SLCO1B1: variants seen among roughly 807,000 people sequenced by gnomAD.
SLCO1B1 encodes OATP-2.
In SLCO1B1, 81 loss-of-function variants were observed where a neutral mutation model predicts 70.1. The observed-to-expected ratio is 1.16, with a 90% CI of 0.97 to 1.39. The LOEUF is 1.39. Among genes scored for constraint, SLCO1B1 ranks in the 40% most tolerant of loss-of-function variants. The pLI, the probability that SLCO1B1 is intolerant of heterozygous loss-of-function variation, is 0.00. For synonymous variants in SLCO1B1, 283 were observed against 271.5 expected (o/e 1.04, Z -0.42); for missense variants, 895 against 799.6 (o/e 1.12, Z -1.44).
intron 7 of SLCO1B1, among the ~76,000 whole-genome samples, chr12:21,184,650 A>G (rs1412206609): frequency 1.3e-5 from 2 of 152,158 alleles, no homozygotes; most frequent in African/African-American, 2.4e-5. Context: ...AATACTTGCC[A>G]CAACAAATAC....
At chr12:21,148,191 A>C (rs1361562108) in intron 2 of SLCO1B1, among the ~76,000 whole-genome samples, 2 of 152,080 alleles carry the variant, frequency 1.3e-5, no homozygotes, top group African/African-American at 4.8e-5. Context: ...TTCTTTTGCT[A>C]TGCAGGAGCT....
intron 1 of SLCO1B1, among the ~76,000 whole-genome samples, chr12:21,139,563 C>T (rs576027201): frequency 6.6e-6 from 1 of 152,070 alleles, no homozygotes; most frequent in Non-Finnish European, 1.5e-5. Context: ...CAGAATCCAT[C>T]AGCCCTTGTT....
At chr12:21,174,076 G>C (rs1394421161) in intron 3 of SLCO1B1, among the ~76,000 whole-genome samples, 2 of 151,916 alleles carry the variant, frequency 1.3e-5, no homozygotes, top group East Asian at 3.9e-4. Flanking sequence ...TCTTAATTAA[G>C]TTCCGCCTTT....
Position 21,222,397 on chromosome 12 carries a change from AATATAT to A in SLCO1B1, c.1747+59_1747+64del, listed in dbSNP as rs751514211. On this transcript the variant is annotated intron_variant, in intron 13 of 14. Transcript: ENST00000256958. ...GAAAAAAAAAAAAAAAAAAAAAAAA[AATATAT>A]ATATATATATATATATATATATATA... The A allele has an allele frequency of 9.0e-3, 875 of 97,544 alleles. 8 individuals are homozygous for A. The highest frequency in any genetic ancestry group is 0.037 in the South Asian group (198 of 5,284). 6.0% of individuals were successfully genotyped at this position (97,544 alleles called of 1,614,324 possible). A position where few individuals can be genotyped will look rare whatever the true frequency, so the allele number is the denominator to read the frequency against.
chr12:21,193,914 C>T (rs1941059858), intron 7 of SLCO1B1, among the ~76,000 whole-genome samples: 1 of 152,118 alleles, frequency 6.6e-6, no homozygotes, highest in African/African-American at 2.4e-5. Flanking sequence ...TTTCTGCCTC[C>T]CAAGTAGCTG....
intron 12 of SLCO1B1, among the ~76,000 whole-genome samples, chr12:21,219,088 T>C (rs967958783): frequency 2.0e-5 from 3 of 151,938 alleles, no homozygotes; most frequent in African/African-American, 7.3e-5. Flanking sequence ...TTAGTATGGG[T>C]GGGGAATGAA....
intron 7 of SLCO1B1, among the ~76,000 whole-genome samples, chr12:21,184,035 A>T (rs1435005096): frequency 6.6e-6 from 1 of 150,892 alleles, no homozygotes; most frequent in Non-Finnish European, 1.5e-5. Flanking sequence ...ACTCCATCAG[A>T]CAAAAAGAAA....
At chr12:21,145,473 ATTTTTTTT>A (rs35334634) in intron 2 of SLCO1B1, among the ~76,000 whole-genome samples, 3 of 76,102 alleles carry the variant, frequency 3.9e-5, no homozygotes, top group Admixed American at 4.4e-4. Flanking sequence ...CATTTTTTTC[ATTTTTTTT>A]TTTTTTTTTT....
intron 1 of SLCO1B1, among the ~76,000 whole-genome samples, chr12:21,132,161 T>A (rs867375620): frequency 6.6e-6 from 1 of 152,178 alleles, no homozygotes; most frequent in African/African-American, 2.4e-5. Flanking sequence ...ACAAAGGACA[T>A]AAACTCATCA....
intron 1 of SLCO1B1, among the ~76,000 whole-genome samples, chr12:21,139,918 G>A (rs1055931425): frequency 2.0e-5 from 3 of 151,428 alleles, no homozygotes; most frequent in African/African-American, 7.3e-5. Flanking sequence ...GTGCTCTCCG[G>A]TGCACAAGAG....
Position 21,197,218 on chromosome 12 carries a change from GA to G in SLCO1B1, c.970+31del, listed in dbSNP as rs773398649. 4 of 1,609,948 alleles carry G rather than the reference GA, an allele frequency of 2.5e-6. No homozygotes were observed. The African/African-American group carries it at 5.4e-5, about 22-fold the overall frequency. ...GTATTTAACATTCATTGTCAATTTG[GA>G]GTTGTTAATCTCAATGAAAAGGAAG... On this transcript the variant is annotated intron_variant, in intron 8 of 14. Coordinates refer to ENST00000256958, the MANE Select transcript of SLCO1B1 (RefSeq NM_006446.5).
chr12:21,235,641 T>C lies in SLCO1B1; in HGVS notation c.1866-3338T>C, dbSNP rs905440083. ...TTGTGTAGTTACTTAATAGGATCTG[T>C]AGGCTTTGTAATTATGGGTGCTTTT... On this transcript the variant is annotated intron_variant, in intron 14 of 14. Coordinates refer to ENST00000256958, the MANE Select transcript of SLCO1B1 (RefSeq NM_006446.5). Among the ~76,000 whole-genome samples, 3 of 152,060 alleles carry C rather than the reference T, an allele frequency of 2.0e-5. No individual in the cohort carries two copies. In the East Asian group the frequency reaches 5.8e-4, roughly 29 times the overall value.
At chr12:21,207,759 A>G (rs1221527803) in intron 11 of SLCO1B1, among the ~76,000 whole-genome samples, 2 of 152,010 alleles carry the variant, frequency 1.3e-5, no homozygotes, top group African/African-American at 2.4e-5. Context: ...CATTCCTACC[A>G]ACATAGGATA....
At chr12:21,227,350 G>C (rs1390554943) in intron 14 of SLCO1B1, among the ~76,000 whole-genome samples, 2 of 152,074 alleles carry the variant, frequency 1.3e-5, no homozygotes, top group African/African-American at 2.4e-5. Flanking sequence ...CATGAAGAAT[G>C]TGTATGGAGC....
intron 2 of SLCO1B1, among the ~76,000 whole-genome samples, chr12:21,153,107 A>G (rs1056638966): frequency 6.6e-6 from 1 of 151,914 alleles, no homozygotes; most frequent in Non-Finnish European, 1.5e-5. Flanking sequence ...TGTCTCTCCA[A>G]TCTTGAAGGC....
intron 2 of SLCO1B1, among the ~76,000 whole-genome samples, chr12:21,145,372 C>T (rs1460092235): frequency 6.6e-6 from 1 of 151,384 alleles, no homozygotes; most frequent in Non-Finnish European, 1.5e-5. Context: ...GTGGCATAAT[C>T]TTGGCTCACT....
rs908931153 is a variant in SLCO1B1 at position 21,217,213 on chromosome 12, C to G, written c.1592C>G (p.Thr531Arg). Reference protein sequence around the residue: ...LGECPRDDACTRKFYFFVAIQ... With the variant: ...LGECPRDDACRRKFYFFVAIQ... The stretch of plus-strand genomic sequence containing the variant: ...GAATGCCCAAGAGATGATGCTTGTA[C>G]AAGGAAATTTTACTTTTTTGTTGCA... Residue 531 changes from threonine (T) to arginine (R), a missense_variant, in exon 12 of 15, where the codon ACA (threonine) becomes AGA (arginine). Thr to Arg is a moderately conservative substitution (Grantham distance 71). Coordinates refer to ENST00000256958, the MANE Select transcript of SLCO1B1 (RefSeq NM_006446.5). 3.1e-6 allele frequency: 5 copies of G among 1,613,528 alleles called. No homozygotes were observed. Among genetic ancestry groups the G allele is most frequent in the African/African-American group, 2.7e-5 (2 of 74,896 alleles).
intron 11 of SLCO1B1, among the ~76,000 whole-genome samples, chr12:21,209,052 ATTAAT>A (rs1565439515): frequency 6.6e-6 from 1 of 150,758 alleles, no homozygotes; most frequent in Non-Finnish European, 1.5e-5. Context: ...TTTTTAATTA[ATTAAT>A]TTATTTATTT....
intron 1 of SLCO1B1, among the ~76,000 whole-genome samples, chr12:21,139,662 G>A (rs1011701347): frequency 1.3e-5 from 2 of 152,082 alleles, no homozygotes; most frequent in Admixed American, 6.6e-5. Context: ...AAATTCCTTT[G>A]TAACACCAAA....
Sources: gnomAD v4.1 joint callset for allele counts (sites outside exome capture counted in the v4.1 genomes callset) on GRCh38, gnomAD v4.1.1 for gene constraint, MANE v1.5 for transcripts, NCBI Gene and HGNC (gene_info 2026-07-23, HGNC 2026-07-21) for gene names.